Variants in BRCC3 observed in about 807,000 individuals in gnomAD.
The protein encoded by BRCC3 is BRCA1/BRCA2-containing complex subunit 3, also known as lys-63-specific deubiquitinase BRCC36.
Under a neutral mutation model 28.0 loss-of-function variants are expected in BRCC3, and 15 were observed. The observed-to-expected ratio is 0.54, with a 90% confidence interval of 0.36 to 0.82. BRCC3 has a LOEUF of 0.82. Among genes scored for constraint, BRCC3 ranks in the 40% least tolerant of loss-of-function variants. The pLI is 0.01. For synonymous variants in BRCC3, 66 were observed against 80.3 expected, an observed-to-expected ratio of 0.82 and a Z score of 0.95; for missense variants, 109 against 225.9, an observed-to-expected ratio of 0.48 and a Z score of 3.32.
At chrX:155,080,465 GAAAAAA>G (rs11329939) in intron 5 of BRCC3, among the ~76,000 whole-genome samples, 1 of 98,551 alleles carries the variant, frequency 1.0e-5, no homozygotes, top group African/African-American at 3.7e-5. Flanking sequence ...ATAGCAGTCA[GAAAAAA>G]AAAAAAGGGA....
intron 7 of BRCC3, among the ~76,000 whole-genome samples, chrX:155,112,394 G>A (rs782771690): frequency 9.8e-5 from 11 of 112,313 alleles, no homozygotes; most frequent in South Asian, 3.7e-4. Context: ...GCAGGATGGC[G>A]TAAGATTTCA....
intron 5 of BRCC3, among the ~76,000 whole-genome samples, chrX:155,081,202 G>A (rs2074082803): frequency 9.1e-6 from 1 of 109,919 alleles, no homozygotes; most frequent in African/African-American, 3.3e-5. Context: ...ATGGTGGCGG[G>A]TGCCTGTAAT....
chrX:155,118,323 C>A (rs2074369918), intron 9 of BRCC3, among the ~76,000 whole-genome samples: 1 of 111,301 alleles, frequency 9.0e-6, no homozygotes, highest in Non-Finnish European at 1.9e-5. Flanking sequence ...ACACAAAAGG[C>A]TACATACTCC....
At chrX:155,119,967 A>G in intron 9 of BRCC3, 32 bp from the exon 10 acceptor site, 2 of 1,181,632 alleles carry the variant, frequency 1.7e-6, no homozygotes, top group Non-Finnish European at 2.3e-6. Flanking sequence ...GCTTTTCCAC[A>G]ATTATTCTCA....
intron 7 of BRCC3, among the ~76,000 whole-genome samples, chrX:155,105,413 G>A (rs1185081046): frequency 9.0e-6 from 1 of 111,488 alleles, no homozygotes; most frequent in South Asian, 3.8e-4. Flanking sequence ...AACCCGGGAG[G>A]CGGAGGTTGC....
chrX:155,117,448 C>T (rs2124311130), intron 9 of BRCC3, among the ~76,000 whole-genome samples: 2 of 111,862 alleles, frequency 1.8e-5, no homozygotes, highest in African/African-American at 6.5e-5. Flanking sequence ...TCATTCTGTG[C>T]ACTCTTCCCC....
chrX:155,112,122 G>A (rs782101958), intron 7 of BRCC3, among the ~76,000 whole-genome samples: 6 of 111,888 alleles, frequency 5.4e-5, no homozygotes, highest in South Asian at 7.4e-4. Flanking sequence ...ATATGTTCTC[G>A]TTTTTTAAAA....
At chrX:155,081,023 A>G (rs903309954) in intron 5 of BRCC3, among the ~76,000 whole-genome samples, 1 of 111,863 alleles carries the variant, frequency 8.9e-6, no homozygotes, top group Non-Finnish European at 1.9e-5. Flanking sequence ...CTCATTTGAG[A>G]TCCTGAGATC....
Position 155,079,395 on chromosome X carries a change from GCTA to G in BRCC3, c.403+699_403+701del, listed in dbSNP as rs782432652. On this transcript the variant is annotated intron_variant, in intron 5 of 10. Transcript: ENST00000330045. Reference sequence around the variant, plus strand: ...CTCCCAAGTCTGCTCTTCCCACTGTGCTACTACTAGTCATATGGGTTTGAGTTG... The same window carrying G: ...CTCCCAAGTCTGCTCTTCCCACTGTGCTACTAGTCATATGGGTTTGAGTTG... Among the ~76,000 whole-genome samples the G allele has an allele frequency of 2.0e-4, 22 of 111,732 alleles. No individual in the cohort carries two copies. The Middle Eastern group carries it at 0.018, about 93-fold the overall frequency.
intron 9 of BRCC3, among the ~76,000 whole-genome samples, chrX:155,117,000 C>T (rs1557298898): frequency 8.9e-6 from 1 of 111,927 alleles, no homozygotes; most frequent in Non-Finnish European, 1.9e-5. Context: ...TATGATAGAC[C>T]TACTCAGTGA....
At chrX:155,094,432 C>T (rs1314652549) in intron 7 of BRCC3, among the ~76,000 whole-genome samples, 5 of 110,177 alleles carry the variant, frequency 4.5e-5, no homozygotes, top group Admixed American at 9.7e-5. Flanking sequence ...TTGGTGTATA[C>T]GCAGGCCAAA....
intron 5 of BRCC3, among the ~76,000 whole-genome samples, chrX:155,086,541 TAG>T (rs1326355181): frequency 9.3e-6 from 1 of 107,462 alleles, no homozygotes; most frequent in Admixed American, 9.9e-5. Context: ...GCATTTTGAG[TAG>T]AGAGGGAGTT....
intron 8 of BRCC3, 147 bp from the exon 9 acceptor site, chrX:155,116,564 C>T: frequency 2.5e-6 from 1 of 407,484 alleles, no homozygotes. Flanking sequence ...TGAATAAAAT[C>T]ACATCCCCCA....
intron 7 of BRCC3, among the ~76,000 whole-genome samples, chrX:155,096,885 T>A (rs1189037834): frequency 3.6e-5 from 4 of 111,999 alleles, no homozygotes; most frequent in Non-Finnish European, 7.5e-5. Flanking sequence ...TCAACAAAGA[T>A]GTCAGGAATA....
intron 7 of BRCC3, 45 bp from the exon 8 acceptor site, chrX:155,116,012 A>G: frequency 8.5e-7 from 1 of 1,179,696 alleles, no homozygotes. Context: ...TTCTGATTAT[A>G]ACAACTCAGG....
intron 3 of BRCC3, among the ~76,000 whole-genome samples, chrX:155,074,503 C>T (rs954757677): frequency 9.0e-6 from 1 of 111,439 alleles, no homozygotes; most frequent in African/African-American, 3.3e-5. Flanking sequence ...ATTCCTGTTT[C>T]CCCCTTCCCA....
At chrX:155,113,750 G>A (rs2074336966) in intron 7 of BRCC3, among the ~76,000 whole-genome samples, 1 of 111,381 alleles carries the variant, frequency 9.0e-6, no homozygotes, top group Non-Finnish European at 1.9e-5. Context: ...TATTTAATAA[G>A]GGGTCAATAT....
intron 7 of BRCC3, among the ~76,000 whole-genome samples, chrX:155,094,723 T>G (rs2074198540): frequency 9.0e-6 from 1 of 111,381 alleles, no homozygotes; most frequent in Admixed American, 9.5e-5. Flanking sequence ...CTCTGAAAAA[T>G]TAGAACCGCT....
chrX:155,096,375 G>A (rs945409398), intron 7 of BRCC3, among the ~76,000 whole-genome samples: 8 of 112,245 alleles, frequency 7.1e-5, no homozygotes, highest in African/African-American at 9.7e-5. Context: ...ACTAAATGCC[G>A]CTGAATTGTT....
Sources: gnomAD v4.1 joint callset for allele counts (sites outside exome capture counted in the v4.1 genomes callset) on GRCh38, gnomAD v4.1.1 for gene constraint, MANE v1.5 for transcripts, NCBI Gene and HGNC (gene_info 2026-07-23, HGNC 2026-07-21) for gene names.